Variants in TTC29 observed in about 807,000 individuals in gnomAD.
The protein encoded by TTC29 is tetratricopeptide repeat protein 29.
Under a neutral mutation model 58.1 loss-of-function variants are expected in TTC29, and 49 were observed. That is an observed-to-expected ratio of 0.84 (90% confidence interval 0.67 to 1.07). The LOEUF is 1.07. TTC29 is among the 50% of genes least tolerant of loss of function. TTC29 has a pLI of 0.00. For missense variants in TTC29, 582 were observed against 555.6 expected, an observed-to-expected ratio of 1.05 and a Z score of -0.48; for synonymous variants, 209 against 196.8, an observed-to-expected ratio of 1.06 and a Z score of -0.52.
chr4:146,840,168 CTTTT>C (rs369143176), intron 8 of TTC29, among the ~76,000 whole-genome samples: 16 of 137,770 alleles, frequency 1.2e-4, no homozygotes, highest in Non-Finnish European at 2.1e-4. Flanking sequence ...TGGTTTTTAT[CTTTT>C]TTTTTTTTTT....
chr4:146,854,201 A>G (rs1042647144), intron 8 of TTC29, among the ~76,000 whole-genome samples: 4 of 152,114 alleles, frequency 2.6e-5, no homozygotes, highest in Admixed American at 2.0e-4. Flanking sequence ...AATAAGCCAC[A>G]TGTACTCAAT....
intron 11 of TTC29, among the ~76,000 whole-genome samples, chr4:146,802,736 T>C (rs1386049215): frequency 6.6e-6 from 1 of 152,226 alleles, no homozygotes; most frequent in Non-Finnish European, 1.5e-5. Context: ...TATTTTACTT[T>C]AAAAAGTTTG....
intron 6 of TTC29, among the ~76,000 whole-genome samples, chr4:146,894,368 A>C (rs1732609420): frequency 6.6e-6 from 1 of 151,994 alleles, no homozygotes; most frequent in Admixed American, 6.6e-5. Flanking sequence ...TGATGAGTTC[A>C]TGTCCTTTGT....
intron 5 of TTC29, 67 bp downstream of exon 5, chr4:146,908,958 TG>T: frequency 7.4e-7 from 1 of 1,344,904 alleles, no homozygotes; most frequent in Non-Finnish European, 1.0e-6. Context: ...TGAAACAATC[TG>T]GAATCTTCCC....
chr4:146,812,403 C>T (rs1751086327), intron 10 of TTC29, among the ~76,000 whole-genome samples: 1 of 152,094 alleles, frequency 6.6e-6, no homozygotes, highest in South Asian at 2.1e-4. Context: ...TTAAAATTAA[C>T]TCATTCATTC....
At chr4:146,854,132 T>C (rs1383553982) in intron 8 of TTC29, among the ~76,000 whole-genome samples, 1 of 152,096 alleles carries the variant, frequency 6.6e-6, no homozygotes, top group East Asian at 1.9e-4. Flanking sequence ...GGCTTGGCAA[T>C]ACACCTTTTC....
intron 4 of TTC29, among the ~76,000 whole-genome samples, chr4:146,924,209 T>C (rs76621586): frequency 0.012 from 1,760 of 151,988 alleles, 46 homozygotes; most frequent in African/African-American, 0.039. Flanking sequence ...ATACATGTGA[T>C]AGGTTTATAT....
At chr4:146,709,659 C>T (rs764591070) in intron 11 of TTC29, among the ~76,000 whole-genome samples, 6 of 152,082 alleles carry the variant, frequency 3.9e-5, no homozygotes, top group Non-Finnish European at 5.9e-5. Flanking sequence ...GACCCTTACA[C>T]TTCCAGGCCA....
At chr4:146,735,436 T>G (rs1162704754) in intron 11 of TTC29, among the ~76,000 whole-genome samples, 1 of 152,124 alleles carries the variant, frequency 6.6e-6, no homozygotes, top group Non-Finnish European at 1.5e-5. Flanking sequence ...GACGAACACA[T>G]TGATGGAGGA....
chr4:146,930,986 AT>A (rs1735296258), intron 4 of TTC29, among the ~76,000 whole-genome samples: 1 of 152,136 alleles, frequency 6.6e-6, no homozygotes, highest in African/African-American at 2.4e-5. Flanking sequence ...TATTCTTTGT[AT>A]TTCTAAAACT....
chr4:146,854,654 G>A (rs1429482262), intron 8 of TTC29, among the ~76,000 whole-genome samples: 1 of 152,012 alleles, frequency 6.6e-6, no homozygotes, highest in East Asian at 1.9e-4. Context: ...GAGTGGGCTG[G>A]TATGCCACCA....
At chr4:146,926,449 G>GTGTAATACA (rs1459069013) in intron 4 of TTC29, among the ~76,000 whole-genome samples, 1 of 152,040 alleles carries the variant, frequency 6.6e-6, no homozygotes, top group African/African-American at 2.4e-5. Flanking sequence ...TCTGACAGCT[G>GTGTAATACA]TGTAATACAA....
chr4:146,711,465 C>T (rs183570522), intron 11 of TTC29, among the ~76,000 whole-genome samples: 110 of 152,218 alleles, frequency 7.2e-4, no homozygotes, highest in African/African-American at 1.3e-3. Context: ...CCATTAGCTA[C>T]GCCGGTCCTG....
chr4:146,709,490 T>C (rs1742328646), intron 11 of TTC29, among the ~76,000 whole-genome samples: 1 of 152,156 alleles, frequency 6.6e-6, no homozygotes, highest in African/African-American at 2.4e-5. Flanking sequence ...TAAATTTCTC[T>C]TCTTTTCACT....
intron 8 of TTC29, among the ~76,000 whole-genome samples, chr4:146,865,754 C>T (rs1205391536): frequency 6.6e-6 from 1 of 152,078 alleles, no homozygotes; most frequent in Non-Finnish European, 1.5e-5. Flanking sequence ...CTTACGTGTC[C>T]TCACACACAT....
intron 11 of TTC29, among the ~76,000 whole-genome samples, chr4:146,757,334 C>T (rs893694304): frequency 1.3e-5 from 2 of 152,052 alleles, no homozygotes; most frequent in Middle Eastern, 3.2e-3. Flanking sequence ...AGTGAGTCTC[C>T]CTGGCTCCAG....
At chr4:146,795,455 G>T (rs895338882) in intron 11 of TTC29, among the ~76,000 whole-genome samples, 7 of 152,076 alleles carry the variant, frequency 4.6e-5, no homozygotes, top group Non-Finnish European at 8.8e-5. Flanking sequence ...CAGGGATAAG[G>T]CATTGGAAAT....
chr4:146,798,607 C>T (rs560868799), intron 11 of TTC29, among the ~76,000 whole-genome samples: 47 of 151,930 alleles, frequency 3.1e-4, no homozygotes, highest in Non-Finnish European at 5.7e-4. Flanking sequence ...AAATACTGGC[C>T]GGGCTAGGCA....
At chr4:146,747,016 C>T (rs929018741) in intron 11 of TTC29, among the ~76,000 whole-genome samples, 2 of 152,092 alleles carry the variant, frequency 1.3e-5, no homozygotes, top group Non-Finnish European at 2.9e-5. Flanking sequence ...TCTGCCACCC[C>T]GTCCCCCAGA....
Sources: allele counts gnomAD v4.1 joint callset (sites outside exome capture counted in the v4.1 genomes callset), GRCh38; gene constraint gnomAD v4.1.1; transcripts MANE v1.5; gene names NCBI Gene and HGNC (gene_info 2026-07-23, HGNC 2026-07-21).